The following HERC2 variants were observed in gnomAD, a reference collection of about 807,000 sequenced individuals.
The protein encoded by HERC2 is E3 ubiquitin-protein ligase HERC2.
In HERC2, 102 loss-of-function variants were observed where a neutral mutation model predicts 537.7. That is an observed-to-expected ratio of 0.19 (90% CI 0.16 to 0.22). The LOEUF is 0.22. Among genes scored for constraint, HERC2 ranks in the 10% least tolerant of loss-of-function variants. The pLI, the probability that HERC2 is intolerant of heterozygous loss-of-function variation, is 1.00. For synonymous variants in HERC2, 2,224 were observed against 2,466.2 expected (o/e 0.90, Z 2.91); for missense variants, 4,236 against 6,198.2 (o/e 0.68, Z 10.63).
chr15:28,168,497 C>G lies in HERC2; in HGVS notation c.10323G>C (p.Ala3441=). 1 of 1,614,216 alleles carries G rather than the reference C, an allele frequency of 6.2e-7. No homozygotes were observed. The highest frequency in any genetic ancestry group is 8.5e-7 in the Non-Finnish European group (1 of 1,180,046). The change falls in exon 67 of 93, where the codon GCG becomes GCC. Residue 3441 remains alanine (A), a synonymous_variant. Coordinates refer to ENST00000261609, the MANE Select transcript of HERC2 (RefSeq NM_004667.6). The part of the protein sequence containing the change: ...FSSAAPSDAS[A]MASPMNGEEC... ...CTTCTCCATTCATGGGACTAGCCAT[C>G]GCAGATGCGTCGGAAGGGGCCGCCG...
chr15:28,279,154 G>A (rs1389571268), intron 5 of HERC2, among the ~76,000 whole-genome samples: 2 of 151,986 alleles, frequency 1.3e-5, no homozygotes, highest in African/African-American at 4.8e-5. Flanking sequence ...ACCAAGCCCC[G>A]GCTAATTTTT....
intron 86 of HERC2, among the ~76,000 whole-genome samples, chr15:28,120,155 A>T (rs532038907): frequency 6.6e-6 from 1 of 152,336 alleles, no homozygotes; most frequent in Non-Finnish European, 1.5e-5. Context: ...GGGAAATAAA[A>T]GCTTTTTTAT....
intron 12 of HERC2, among the ~76,000 whole-genome samples, chr15:28,266,838 G>C (rs544509434): frequency 6.6e-6 from 1 of 152,128 alleles, no homozygotes; most frequent in African/African-American, 2.4e-5. Context: ...TCTTGATGGT[G>C]GTGACCCAAC....
At position 28,111,662 on chromosome 15, in the gene HERC2, G is replaced by GACGC. The variant is rs1174739171; in HGVS notation, c.*97_*100dup. On this transcript the variant is annotated 3_prime_UTR_variant, in exon 93 of 93. Coordinates refer to ENST00000261609, the MANE Select transcript of HERC2 (RefSeq NM_004667.6). ...CCTCCTCCCGCCTGGCTCGAGGACG[G>GACGC]ACGCTTCTCATCAGACACACCAGGC... 7.6e-7 allele frequency: 1 copy of GACGC among 1,308,540 alleles called. No individual in the cohort carries two copies. The highest frequency in any genetic ancestry group is 1.1e-6 in the Non-Finnish European group (1 of 938,212). The allele number at this position is 1,308,540 out of a possible 1,614,324, so 81.1% of individuals were successfully genotyped here. A position where few individuals can be genotyped will look rare whatever the true frequency, so the allele number is the denominator to read the frequency against.
intron 37 of HERC2, among the ~76,000 whole-genome samples, chr15:28,219,820 G>T (rs1900328400): frequency 6.6e-6 from 1 of 152,196 alleles, no homozygotes; most frequent in Admixed American, 6.5e-5. Flanking sequence ...ACCCAGCCAT[G>T]TGAAGCTTCA....
In HERC2 at chr15:28,122,917, CT is replaced by C. The variant is rs994024179; in HGVS notation, c.13188+1119del. 3.3e-4 allele frequency among the ~76,000 whole-genome samples: 50 copies of C among 152,274 alleles called. No individual in the cohort carries two copies. Among genetic ancestry groups the C allele is most frequent in the African/African-American group, 1.2e-3 (49 of 41,538 alleles). ...CAGGTGGGACGTGCCCTGCCTCTCA[CT>C]TTTTTTCTCCCTACAAAGAAAGGTT... On this transcript the variant is annotated intron_variant, in intron 85 of 92. Transcript: ENST00000261609. This position sits in a 1 kb window ranked among gnomAD's most constrained non-coding sequence, Gnocchi z 4.1.
intron 85 of HERC2, 89 bp from the exon 86 acceptor site, chr15:28,121,518 GT>G (rs1436357205): frequency 9.2e-7 from 1 of 1,087,112 alleles, no homozygotes; most frequent in African/African-American, 1.5e-5. Flanking sequence ...TTTAAAATCT[GT>G]GTTGAAGACC....
At position 28,245,904 on chromosome 15, in the gene HERC2, T is replaced by C; in HGVS notation, c.3554A>G (p.Glu1185Gly). ...ACCCATTATGCCAGGCCAGGCTAAC[T>C]CTTCATGATCATCCCGTTCCTTTCC... is the stretch of plus-strand genomic sequence containing the variant. ...APGKERDDHE[E>G]LAWPGIMESF... The change falls in exon 23 of 93, where the codon GAG (glutamate) becomes GGG (glycine). Residue 1185 changes from glutamate (E) to glycine (G), a missense_variant. Around this residue, in one of 27 missense-constraint regions of HERC2, gnomAD observed 754 missense variants for 1,085.0 expected, o/e 0.69. Transcript: ENST00000261609. 2 of 1,614,042 alleles carry C rather than the reference T, an allele frequency of 1.2e-6. No individual in the cohort carries two copies. The highest frequency in any genetic ancestry group is 1.7e-6 in the Non-Finnish European group (2 of 1,180,018).
chr15:28,144,149 G>C lies in HERC2; in HGVS notation c.11227C>G (p.Leu3743Val), dbSNP rs769879755. ...VTCLLDFRLN[L>V]ASNRSIVPRL... ...GGGACGATGCTTCTGTTAGAGGCAA[G>C]GTTGAGTCGGAAGTCTAACAGACAC... is the stretch of plus-strand genomic sequence containing the variant. The change falls in exon 73 of 93, where the codon CTT becomes GTT. Residue 3743 changes from leucine to valine, a missense_variant. Leu to Val is a conservative substitution (Grantham distance 32). Transcript: ENST00000261609. 5 of 1,614,136 alleles carry C rather than the reference G, an allele frequency of 3.1e-6. No individual in the cohort carries two copies. The African/African-American group carries it at 4.0e-5, about 13-fold the overall frequency.
chr15:28,165,804 C>CAAAACA (rs1371025137), intron 68 of HERC2, among the ~76,000 whole-genome samples: 2 of 151,974 alleles, frequency 1.3e-5, no homozygotes, highest in African/African-American at 2.4e-5. Context: ...TGTCTAAAAA[C>CAAAACA]AAAACAAAAA....
In HERC2 at chr15:28,229,774, C is replaced by T. The variant is rs773763110; in HGVS notation, c.4883G>A (p.Gly1628Asp). 2.1e-6 allele frequency: 3 copies of T among 1,461,618 alleles called. No individual in the cohort carries two copies. Among genetic ancestry groups the T allele is most frequent in the African/African-American group, 2.8e-5 (2 of 71,732 alleles). 90.5% of individuals were successfully genotyped at this position (1,461,618 alleles called of 1,614,324 possible). ...GAGGAGTGGAGACTGCGGATAAAGA[C>T]CCTGCACATTCTGCTTCAACCACTT... ...KYKWLKQNVQ[G>D]LYPQSPLLST... The change falls in exon 32 of 93, where the codon GGT becomes GAT. Residue 1628 changes from glycine (G) to aspartate (D), a missense_variant. Gly to Asp is a moderately conservative substitution (Grantham distance 94). This residue lies in a region of HERC2 where 343 missense variants were observed against 417.2 expected (regional missense o/e 0.82). Coordinates refer to ENST00000261609, the MANE Select transcript of HERC2 (RefSeq NM_004667.6).
chr15:28,291,778 G>A (rs1370886772), intron 4 of HERC2, among the ~76,000 whole-genome samples: 1 of 151,888 alleles, frequency 6.6e-6, no homozygotes, highest in Non-Finnish European at 1.5e-5. Context: ...GGTGGTGCAC[G>A]CCTGTAGTCC....
At position 28,165,012 on chromosome 15, in the gene HERC2, T is replaced by C. The variant is rs369801815; in HGVS notation, c.10555-1727A>G. The stretch of plus-strand genomic sequence containing the variant: ...GTTCCAAATGTAATTAAAAATAAAG[T>C]GTTTGCCCTCAAGGTGGAAAGGCTG... On this transcript the variant is annotated intron_variant, in intron 68 of 92. Coordinates refer to ENST00000261609, the MANE Select transcript of HERC2 (RefSeq NM_004667.6). Among the ~76,000 whole-genome samples, 7 of 152,308 alleles carry C rather than the reference T, an allele frequency of 4.6e-5. No homozygotes were observed. In the East Asian group the frequency reaches 9.7e-4, roughly 21 times the overall value.
chr15:28,229,972 A>G (rs1901657867), intron 31 of HERC2, 125 bp from the exon 32 acceptor site: 2 of 755,436 alleles, frequency 2.6e-6, no homozygotes, highest in Non-Finnish European at 4.5e-6. Context: ...TTAGTAATAC[A>G]TGGTTTTAAA....
intron 55 of HERC2, among the ~76,000 whole-genome samples, chr15:28,189,511 T>C (rs1029182718): frequency 2.0e-5 from 3 of 152,240 alleles, no homozygotes; most frequent in African/African-American, 4.8e-5. Flanking sequence ...ATATTATCTT[T>C]CATTTTTATA....
At position 28,124,174 on chromosome 15, in the gene HERC2, G is replaced by A; in HGVS notation, c.13051C>T (p.Leu4351=). The A allele has an allele frequency of 1.3e-6, 2 of 1,575,852 alleles. No homozygotes were observed. Among genetic ancestry groups the A allele is most frequent in the Non-Finnish European group, 1.7e-6 (2 of 1,160,010 alleles). Residue 4351 remains leucine (L), a synonymous_variant, in exon 85 of 93, where the codon CTG becomes TTG. Transcript: ENST00000261609. The part of the protein sequence containing the change: ...IPIIALRNRL[L]LLHHLSELFC... The stretch of plus-strand genomic sequence containing the variant: ...AGCTCGGAGAGGTGGTGCAGCAGCA[G>A]CAGACGGTTCCTCAGCGCAATGATG...
At chr15:28,140,614 C>T (rs1260384914) in intron 78 of HERC2, among the ~76,000 whole-genome samples, 2 of 151,630 alleles carry the variant, frequency 1.3e-5, no homozygotes, top group Admixed American at 6.6e-5. Context: ...CTCCATCTCC[C>T]GGGTTCCAGT....
chr15:28,146,153 G>T, intron 71 of HERC2, 84 bp downstream of exon 71: 1 of 911,722 alleles, frequency 1.1e-6, no homozygotes, highest in Admixed American at 2.0e-5. Flanking sequence ...TACGAAGGCA[G>T]CATTCTGTCC....
intron 78 of HERC2, among the ~76,000 whole-genome samples, chr15:28,136,472 C>T (rs1890652968): frequency 6.6e-6 from 1 of 152,256 alleles, no homozygotes; most frequent in Non-Finnish European, 1.5e-5. Context: ...TGCAGCATGC[C>T]TCCCAGGACT....
Sources: gnomAD v4.1 joint callset for allele counts (sites outside exome capture counted in the v4.1 genomes callset) on GRCh38, gnomAD v4.1.1 for gene constraint, gnomAD v4.1.1 regional missense constraint, Gnocchi (gnomAD v3.1) non-coding constraint, MANE v1.5 for transcripts, NCBI Gene and HGNC (gene_info 2026-07-23, HGNC 2026-07-21) for gene names.